Variants in TBL1XR1 observed in about 807,000 individuals in gnomAD.
The protein encoded by TBL1XR1 is TBL1X/Y related 1.
A neutral mutation model predicts 66.9 loss-of-function variants in TBL1XR1; 5 were observed. That is an observed-to-expected ratio of 0.07 (90% CI 0.04 to 0.16). The LOEUF (loss-of-function observed/expected upper bound fraction) is 0.16. Ranked by LOEUF, TBL1XR1 falls within the 10% of genes least tolerant of loss-of-function variation. The pLI is 1.00. For synonymous variants in TBL1XR1, 210 were observed against 206.0 expected, an observed-to-expected ratio of 1.02 and a Z score of -0.17; for missense variants, 238 against 623.2, an observed-to-expected ratio of 0.38 and a Z score of 6.58.
chr3:177,164,415 T>C (rs900087687), intron 1 of TBL1XR1, among the ~76,000 whole-genome samples: 29 of 151,588 alleles, frequency 1.9e-4, no homozygotes, highest in African/African-American at 6.5e-4. Flanking sequence ...AATGGCGCAA[T>C]GTTGGCTCAC....
At chr3:177,134,576 T>C (rs948451219) in intron 1 of TBL1XR1, among the ~76,000 whole-genome samples, 1 of 152,216 alleles carries the variant, frequency 6.6e-6, no homozygotes, top group Non-Finnish European at 1.5e-5. Context: ...CACTTGGCTT[T>C]GCAGCTTTAA....
chr3:177,036,929 C>T (rs1156921090), intron 12 of TBL1XR1, among the ~76,000 whole-genome samples: 1 of 152,170 alleles, frequency 6.6e-6, no homozygotes, highest in Non-Finnish European at 1.5e-5. Context: ...CTCAAAGCTT[C>T]ATTTATTTTG....
chr3:177,076,100 T>C (rs932069250), intron 2 of TBL1XR1, among the ~76,000 whole-genome samples: 22 of 152,236 alleles, frequency 1.4e-4, no homozygotes, highest in African/African-American at 5.1e-4. Context: ...GCTTCATAAA[T>C]GGTGCCTTCT....
At chr3:177,076,112 G>A (rs1206301614) in intron 2 of TBL1XR1, among the ~76,000 whole-genome samples, 1 of 152,204 alleles carries the variant, frequency 6.6e-6, no homozygotes, top group East Asian at 1.9e-4. Context: ...GTGCCTTCTG[G>A]CCATGTCCTC....
At chr3:177,069,403 C>G (rs1394385017) in intron 2 of TBL1XR1, among the ~76,000 whole-genome samples, 1 of 151,998 alleles carries the variant, frequency 6.6e-6, no homozygotes, top group African/African-American at 2.4e-5. Flanking sequence ...TAAGACTTAT[C>G]AACCTTTATA....
chr3:177,168,294 T>TCCG (rs1733066185), intron 1 of TBL1XR1, among the ~76,000 whole-genome samples: 1 of 151,994 alleles, frequency 6.6e-6, no homozygotes, highest in Non-Finnish European at 1.5e-5. Context: ...TTTTTTTTTT[T>TCCG]TTTTGAGACG....
intron 1 of TBL1XR1, among the ~76,000 whole-genome samples, chr3:177,143,972 C>T (rs1729939400): frequency 6.6e-6 from 1 of 152,136 alleles, no homozygotes; most frequent in Non-Finnish European, 1.5e-5. Flanking sequence ...CATATTCAGG[C>T]CGGGCATGGT....
intron 3 of TBL1XR1, among the ~76,000 whole-genome samples, chr3:177,057,891 A>G (rs1201012151): frequency 6.6e-6 from 1 of 152,310 alleles, no homozygotes; most frequent in Non-Finnish European, 1.5e-5. Context: ...TCAGTGACAG[A>G]GACGAGCAAC....
chr3:177,123,345 T>C (rs1468387205), intron 1 of TBL1XR1, among the ~76,000 whole-genome samples: 1 of 152,076 alleles, frequency 6.6e-6, no homozygotes, highest in Non-Finnish European at 1.5e-5. Flanking sequence ...ACATCACTCA[T>C]TGAGCATACC....
intron 2 of TBL1XR1, among the ~76,000 whole-genome samples, chr3:177,090,517 TA>T (rs768136243): frequency 0.015 from 1,514 of 102,436 alleles, 6 homozygotes; most frequent in South Asian, 0.024. Context: ...CTGTCTCTAC[TA>T]AAAAAAAAAA....
intron 2 of TBL1XR1, among the ~76,000 whole-genome samples, chr3:177,093,803 A>C (rs1298761671): frequency 1.3e-5 from 2 of 152,186 alleles, no homozygotes; most frequent in African/African-American, 4.8e-5. Context: ...CTCATCTCTC[A>C]CCTTATACAA....
Position 177,163,902 on chromosome 3 carries a change from TTA to T in TBL1XR1, c.-122+33217_-122+33218del, listed in dbSNP as rs778588847. Reference sequence around the variant, plus strand: ...CGCAAAATGTATCAATAGTTTAGATTTATGTTATTACAATTAAACAGTAAAAA... The same window carrying T: ...CGCAAAATGTATCAATAGTTTAGATTTGTTATTACAATTAAACAGTAAAAA... On this transcript the variant is annotated intron_variant, in intron 1 of 15. Transcript: ENST00000457928. 1.1e-4 allele frequency: 16 copies of T among 152,304 alleles called. 1 individual carries two copies. The South Asian group carries it at 1.9e-3, about 18-fold the overall frequency. The allele number at this position is 152,304 out of a possible 1,614,324, so 9.4% of individuals were successfully genotyped here. A position where few individuals can be genotyped will look rare whatever the true frequency, so the allele number is the denominator to read the frequency against.
intron 1 of TBL1XR1, among the ~76,000 whole-genome samples, chr3:177,196,890 C>T (rs1186346627): frequency 6.6e-6 from 1 of 151,708 alleles, no homozygotes; most frequent in Non-Finnish European, 1.5e-5. Context: ...GGCACGTGAG[C>T]ATTTCAAAGA....
At chr3:177,097,817 A>C (rs1427781160) in intron 2 of TBL1XR1, among the ~76,000 whole-genome samples, 3 of 152,216 alleles carry the variant, frequency 2.0e-5, no homozygotes, top group African/African-American at 7.2e-5. Flanking sequence ...ACTATTCACA[A>C]AATTTAGTTC....
At chr3:177,039,284 T>C (rs1444177803) in intron 10 of TBL1XR1, among the ~76,000 whole-genome samples, 1 of 152,236 alleles carries the variant, frequency 6.6e-6, no homozygotes, top group Non-Finnish European at 1.5e-5. Flanking sequence ...GTACTATCTT[T>C]ATCCTTAGTA....
intron 1 of TBL1XR1, among the ~76,000 whole-genome samples, chr3:177,153,615 C>T (rs776154304): frequency 5.9e-5 from 9 of 152,092 alleles, no homozygotes; most frequent in Admixed American, 5.9e-4. Context: ...AGGCCAGGCG[C>T]GGTGGCTCAC....
At chr3:177,096,593 T>C (rs1317853071) in intron 2 of TBL1XR1, among the ~76,000 whole-genome samples, 2 of 152,102 alleles carry the variant, frequency 1.3e-5, no homozygotes, top group East Asian at 3.8e-4. Flanking sequence ...GTGCCACAAA[T>C]ACTAAGGATC....
At chr3:177,038,206 G>C (rs761155648) in intron 11 of TBL1XR1, 34 bp from the exon 12 acceptor site, 2 of 1,607,640 alleles carry the variant, frequency 1.2e-6, no homozygotes, top group Non-Finnish European at 8.5e-7. Flanking sequence ...CATTTTCATT[G>C]TATAGACTGG....
chr3:177,049,927 C>T (rs563020040), intron 7 of TBL1XR1, 70 bp downstream of exon 7: 136 of 1,529,644 alleles, frequency 8.9e-5, no homozygotes, highest in Non-Finnish European at 1.1e-4. Flanking sequence ...ACAAACCCTG[C>T]CGTGAGTATG....
Sources: gnomAD v4.1 joint callset for allele counts (sites outside exome capture counted in the v4.1 genomes callset) on GRCh38, gnomAD v4.1.1 for gene constraint, MANE v1.5 for transcripts, NCBI Gene and HGNC (gene_info 2026-07-23, HGNC 2026-07-21) for gene names.